LMF1: variants seen among roughly 807,000 people sequenced by gnomAD.
The protein encoded by LMF1 is lipase maturation factor 1.
LMF1 carries 68 observed loss-of-function variants against 60.6 expected under a neutral mutation model. The ratio of observed to expected loss-of-function variants is 1.12; its 90% CI spans 0.92 to 1.37. The LOEUF is 1.37. LMF1 is among the 40% of genes most tolerant of loss of function. The pLI, the probability that LMF1 is intolerant of heterozygous loss-of-function variation, is 0.00. For synonymous variants in LMF1, 418 were observed against 324.7 expected (o/e 1.29, Z -3.09); for missense variants, 948 against 767.2 (o/e 1.24, Z -2.78).
chr16:881,093 G>A (rs1013073811), intron 5 of LMF1, among the ~76,000 whole-genome samples: 1 of 152,244 alleles, frequency 6.6e-6, no homozygotes, highest in African/African-American at 2.4e-5. Context: ...CTACGTGGAA[G>A]TCGGGGCCCC....
At chr16:929,179 G>A (rs1479580053) in intron 3 of LMF1, among the ~76,000 whole-genome samples, 1 of 152,202 alleles carries the variant, frequency 6.6e-6, no homozygotes, top group Admixed American at 6.5e-5. Context: ...CCTGGGAGGG[G>A]CCAGAAAGCG....
chr16:977,892 C>T (rs1185506895), intron 1 of LMF1, among the ~76,000 whole-genome samples: 2 of 148,204 alleles, frequency 1.3e-5, no homozygotes, highest in Non-Finnish European at 3.0e-5. Context: ...CACACATACA[C>T]CACACACTAA....
chr16:954,479 G>A lies in LMF1; in HGVS notation c.381C>T (p.Asp127=). Residue 127 remains aspartate, a synonymous_variant, in exon 2 of 11, where the codon GAC becomes GAT. Transcript: ENST00000262301. The stretch of plus-strand genomic sequence containing the variant: ...TGCCCAGTCCGAGAAGAGCCAGCAA[G>A]TCCAGGTTGGAGTTCATGTCTGACC... ...MDWSDMNSNL[D]LLALLGLGIS... The A allele has an allele frequency of 1.2e-6, 2 of 1,612,850 alleles. No homozygotes were observed. Among genetic ancestry groups the A allele is most frequent in the Non-Finnish European group, 1.7e-6 (2 of 1,179,544 alleles).
chr16:867,487 G>A (rs2069643204), intron 10 of LMF1, among the ~76,000 whole-genome samples: 1 of 152,182 alleles, frequency 6.6e-6, no homozygotes, highest in Non-Finnish European at 1.5e-5. Context: ...CTGAGACGGG[G>A]CAGTAACAGA....
chr16:871,131 T>TG (rs1283989167), intron 7 of LMF1, 30 bp downstream of exon 7: 4 of 1,533,812 alleles, frequency 2.6e-6, no homozygotes, highest in Non-Finnish European at 3.5e-6. Context: ...CTCCTGCCCT[T>TG]GGGCAGGGGC....
At chr16:972,650 C>T (rs3809672), upstream of LMF1, among the ~76,000 whole-genome samples, 27,926 of 152,238 alleles carry the variant, frequency 0.18, 2,822 homozygotes, top group South Asian at 0.33. Context: ...TGTGGCCCTG[C>T]GCTGTCCTCA....
rs1266228331 is a variant in LMF1 at position 893,033 on chromosome 16, G to A, written c.703C>T (p.Leu235Phe). 4.5e-6 allele frequency: 7 copies of A among 1,551,990 alleles called. No individual in the cohort carries two copies. The African/African-American group carries it at 9.6e-5, about 21-fold the overall frequency. The change falls in exon 5 of 11, where the codon CTC (leucine) becomes TTC (phenylalanine). Residue 235 changes from leucine to phenylalanine, a missense_variant. Leu to Phe is a conservative substitution (Grantham distance 22, BLOSUM62 0). Transcript: ENST00000262301. ...TCATAGTGGAAGTCCATGCAGGTGA[G>A]GTCTCGCCAGCACCGGTCCCCCCGG... ...KIRGDRCWRD[L>F]TCMDFHYETQ...
chr16:885,754 C>T (rs1385083499), intron 5 of LMF1, among the ~76,000 whole-genome samples: 1 of 152,178 alleles, frequency 6.6e-6, no homozygotes, highest in Non-Finnish European at 1.5e-5. Context: ...TGTAAGCAGA[C>T]ATAGAGAAAT....
At chr16:946,153 T>C (rs1026892061) in intron 2 of LMF1, among the ~76,000 whole-genome samples, 2 of 152,194 alleles carry the variant, frequency 1.3e-5, no homozygotes, top group African/African-American at 2.4e-5. Flanking sequence ...AAATGACACA[T>C]GGGACATGGG....
Position 854,599 on chromosome 16 carries a change from G to T in LMF1, c.1637C>A (p.Pro546Gln). ...GGGCCTCAGCTCCTCCAGGCTGAGC[G>T]GAGGGAAGTAGGCTCCGATCCTCTT... Reference protein sequence around the residue: ...VRKRIGAYFPPLSLEELRPYF... With the variant: ...VRKRIGAYFPQLSLEELRPYF... The change falls in exon 11 of 11, where the codon CCG becomes CAG. Residue 546 changes from proline to glutamine, a missense_variant. Pro to Gln is a moderately conservative substitution (Grantham distance 76, BLOSUM62 -1). Coordinates refer to ENST00000262301, the MANE Select transcript of LMF1 (RefSeq NM_022773.4). The T allele has an allele frequency of 6.2e-7, 1 of 1,606,830 alleles. No individual in the cohort carries two copies.
intron 2 of LMF1, among the ~76,000 whole-genome samples, chr16:939,234 G>C (rs1242806512): frequency 7.2e-6 from 1 of 139,676 alleles, no homozygotes; most frequent in Non-Finnish European, 1.5e-5. Flanking sequence ...TCTGAGTAGG[G>C]AACAGGACAA....
intron 1 of LMF1, among the ~76,000 whole-genome samples, chr16:959,304 G>T (rs2072773758): frequency 6.6e-6 from 1 of 152,216 alleles, no homozygotes; most frequent in Admixed American, 6.5e-5. Flanking sequence ...CTAAGCAAAA[G>T]AATCTAGACC....
At chr16:930,490 G>A (rs1172561226) in intron 3 of LMF1, among the ~76,000 whole-genome samples, 1 of 152,180 alleles carries the variant, frequency 6.6e-6, no homozygotes, top group African/African-American at 2.4e-5. Flanking sequence ...GAGCCCGGGA[G>A]GTCAAGGAGC....
At chr16:873,014 G>A (rs934260312) in intron 6 of LMF1, 4 of 152,366 alleles carry the variant, frequency 2.6e-5, no homozygotes, top group Admixed American at 2.0e-4. Flanking sequence ...TAGCCTCAGG[G>A]AACTAGGGCT....
rs546569664 is a variant in LMF1, at chr16:912,327, G to A, written c.515-1248C>T. 8.3e-4 allele frequency among the ~76,000 whole-genome samples: 126 copies of A among 152,214 alleles called. 1 individual carries two copies. The Middle Eastern group carries it at 0.014, about 17-fold the overall frequency. Reference sequence around the variant, plus strand: ...AGTGTCTACCTGCCACAGAGAGGACGGGAGAGTGCAGAGGGGAAGCAGACG... The same window carrying A: ...AGTGTCTACCTGCCACAGAGAGGACAGGAGAGTGCAGAGGGGAAGCAGACG... On this transcript the variant is annotated intron_variant, in intron 3 of 10. Coordinates refer to ENST00000262301, the MANE Select transcript of LMF1 (RefSeq NM_022773.4).
At position 970,908 on chromosome 16, in the gene LMF1, G is replaced by A; in HGVS notation, c.73C>T (p.Pro25Ser). The change falls in exon 1 of 11, where the codon CCG becomes TCG. Residue 25 changes from proline (P) to serine (S), a missense_variant. By Grantham distance (74) the Pro-to-Ser change is moderately conservative. Coordinates refer to ENST00000262301, the MANE Select transcript of LMF1 (RefSeq NM_022773.4). ...GGCGCGGGCGGCGACTCAGGCTCCG[G>A]ATCCGAGTACCCAGTCTTCCGCCTC... ...LRRRKTGYSD[P>S]EPESPPAPGR... 1 of 1,582,574 alleles carries A rather than the reference G, an allele frequency of 6.3e-7. No individual in the cohort carries two copies. Among genetic ancestry groups the A allele is most frequent in the African/African-American group, 1.4e-5 (1 of 72,574 alleles).
chr16:873,036 A>G (rs1450054715), intron 6 of LMF1: 1 of 152,272 alleles, frequency 6.6e-6, no homozygotes, highest in Non-Finnish European at 1.5e-5. Context: ...CAGAGAGCAC[A>G]GATCTGGGCA....
At chr16:957,315 G>C (rs952974227) in intron 1 of LMF1, among the ~76,000 whole-genome samples, 1 of 152,186 alleles carries the variant, frequency 6.6e-6, no homozygotes. Flanking sequence ...TGCTGGTTTG[G>C]AGTGAGTGTC....
chr16:888,958 G>A (rs766171527), intron 5 of LMF1, among the ~76,000 whole-genome samples: 12 of 152,184 alleles, frequency 7.9e-5, no homozygotes, highest in Non-Finnish European at 1.2e-4. Context: ...TGGGATCCTG[G>A]GGGTCCTCAC....
Sources: allele counts gnomAD v4.1 joint callset (sites outside exome capture counted in the v4.1 genomes callset), GRCh38; gene constraint gnomAD v4.1.1; transcripts MANE v1.5; gene names NCBI Gene and HGNC (gene_info 2026-07-23, HGNC 2026-07-21).